PTPRE: variants seen among roughly 807,000 people sequenced by gnomAD.
PTPRE encodes the protein receptor-type tyrosine-protein phosphatase epsilon.
A neutral mutation model predicts 102.0 loss-of-function variants in PTPRE; 51 were observed. The ratio of observed to expected loss-of-function variants is 0.50; its 90% CI spans 0.40 to 0.63. PTPRE has a LOEUF of 0.63. Ranked by LOEUF, PTPRE falls within the 30% of genes least tolerant of loss-of-function variation. The pLI is 0.00. For missense variants in PTPRE, 752 were observed against 915.1 expected, an observed-to-expected ratio of 0.82 and a Z score of 2.30; for synonymous variants, 345 against 348.2, an observed-to-expected ratio of 0.99 and a Z score of 0.10.
In PTPRE at chr10:128,047,501, C is replaced by G; in HGVS notation, c.209+12C>G. 1 of 1,613,188 alleles carries G rather than the reference C, an allele frequency of 6.2e-7. No individual in the cohort carries two copies. The highest frequency in any genetic ancestry group is 1.1e-5 in the South Asian group (1 of 91,060). ...GCCTACTTCTTCAGGTAGGAGTGTC[C>G]CGGGGCACTGACTTGCCCCAACCAG... On this transcript the variant is annotated intron_variant, in intron 4 of 20. Coordinates refer to ENST00000254667, the MANE Select transcript of PTPRE (RefSeq NM_006504.6).
chr10:127,923,571 T>G (rs538192354), intron 1 of PTPRE, among the ~76,000 whole-genome samples: 1 of 152,110 alleles, frequency 6.6e-6, no homozygotes, highest in South Asian at 2.1e-4. Context: ...GCTTGGCTAA[T>G]TTTTGTATTT....
At chr10:127,974,517 G>C (rs779421197) in intron 1 of PTPRE, among the ~76,000 whole-genome samples, 1 of 152,112 alleles carries the variant, frequency 6.6e-6, no homozygotes, top group Non-Finnish European at 1.5e-5. Flanking sequence ...GGCTTGCCAC[G>C]ACCTAGCACT....
At chr10:128,047,571 TGCAGCAGAGGGCAGCTGA>T (rs1453459834) in intron 4 of PTPRE, 82 bp downstream of exon 4, 53 of 1,611,834 alleles carry the variant, frequency 3.3e-5, no homozygotes, top group Non-Finnish European at 4.5e-5. Context: ...GCGTGGGCTG[TGCAGCAGAGGGCAGCTGA>T]GAGGCTGGGT....
intron 1 of PTPRE, among the ~76,000 whole-genome samples, chr10:127,919,805 CT>C (rs1364191257): frequency 6.6e-6 from 1 of 152,128 alleles, no homozygotes; most frequent in Non-Finnish European, 1.5e-5. Flanking sequence ...GTGCAGCATG[CT>C]TTTGTTTACA....
intron 1 of PTPRE, among the ~76,000 whole-genome samples, chr10:127,910,575 C>T (rs775434247): frequency 7.4e-4 from 113 of 152,312 alleles, no homozygotes; most frequent in Non-Finnish European, 1.4e-3. Context: ...TTCAGTCAGT[C>T]AAGTTCTGAC....
At position 128,066,212 on chromosome 10, in the gene PTPRE, C is replaced by A. The variant is rs757005124; in HGVS notation, c.843+18C>A. ...TACAGCCAGTAAGCATCTCTAGTTG[C>A]TGCCCTTCCAGAAAGATCATTTTCA... On this transcript the variant is annotated intron_variant, in intron 11 of 20. Transcript: ENST00000254667. 9 of 1,610,938 alleles carry A rather than the reference C, an allele frequency of 5.6e-6. No homozygotes were observed. In the South Asian group the frequency reaches 9.9e-5, roughly 18 times the overall value.
intron 2 of PTPRE, among the ~76,000 whole-genome samples, chr10:128,016,472 G>A (rs1261982204): frequency 1.4e-5 from 2 of 148,000 alleles, no homozygotes; most frequent in South Asian, 2.1e-4. Context: ...GTGCCACTAT[G>A]CCTGGCCAAT....
chr10:128,068,095 C>T (rs761036251), intron 11 of PTPRE, 28 bp from the exon 12 acceptor site: 6 of 1,597,112 alleles, frequency 3.8e-6, no homozygotes, highest in South Asian at 1.1e-5. Flanking sequence ...TTGTTTCACC[C>T]ACTCTTGTCT....
At chr10:128,035,280 T>TAC (rs1264548722) in intron 2 of PTPRE, among the ~76,000 whole-genome samples, 41 of 138,096 alleles carry the variant, frequency 3.0e-4, no homozygotes, top group African/African-American at 8.1e-4. Context: ...TATGTATATA[T>TAC]ATACACACAC....
At chr10:128,002,209 G>A (rs1038656653) in intron 2 of PTPRE, among the ~76,000 whole-genome samples, 10 of 152,196 alleles carry the variant, frequency 6.6e-5, no homozygotes, top group Admixed American at 6.5e-5. Context: ...GCATGAGTAT[G>A]TGCATATTCA....
intron 3 of PTPRE, among the ~76,000 whole-genome samples, chr10:128,044,277 G>A (rs1185493505): frequency 1.3e-5 from 2 of 152,180 alleles, no homozygotes; most frequent in Non-Finnish European, 1.5e-5. Flanking sequence ...GACTTGCTCC[G>A]CCTCTAGGGC....
In PTPRE at chr10:128,047,749, T is replaced by A. The variant is rs773302498; in HGVS notation, c.210-15T>A. On this transcript the variant is annotated splice_polypyrimidine_tract_variant and intron_variant, in intron 4 of 20. Coordinates refer to ENST00000254667, the MANE Select transcript of PTPRE (RefSeq NM_006504.6). Reference sequence around the variant, plus strand: ...CCTAGAAGTGTGGAAACCTAACGCATCCTGTGTCTCTAAGGTTCAGGAAGC... The same window carrying A: ...CCTAGAAGTGTGGAAACCTAACGCAACCTGTGTCTCTAAGGTTCAGGAAGC... 4 of 1,611,792 alleles carry A rather than the reference T, an allele frequency of 2.5e-6. No homozygotes were observed. The highest frequency in any genetic ancestry group is 3.3e-5 in the Admixed American group (2 of 59,956).
At position 127,937,540 on chromosome 10, in the gene PTPRE, A is replaced by T. The variant is rs190289982; in HGVS notation, c.-31+30231A>T. The stretch of plus-strand genomic sequence containing the variant: ...AATATCTCGGTAGAGAAAAGGGGGA[A>T]TTTTTTTGCTTATACTTTTTAAAAT... On this transcript the variant is annotated intron_variant, in intron 1 of 20. Coordinates refer to ENST00000254667, the MANE Select transcript of PTPRE (RefSeq NM_006504.6). Among the ~76,000 whole-genome samples, 790 of 152,204 alleles carry T rather than the reference A, an allele frequency of 5.2e-3. 8 individuals are homozygous for T. The highest frequency in any genetic ancestry group is 0.012 in the Admixed American group (176 of 15,296).
chr10:128,029,421 C>T (rs543507723), intron 2 of PTPRE, among the ~76,000 whole-genome samples: 1 of 152,158 alleles, frequency 6.6e-6, no homozygotes, highest in Non-Finnish European at 1.5e-5. Context: ...GTCGCCAGCC[C>T]ATGGGGCGTC....
intron 1 of PTPRE, among the ~76,000 whole-genome samples, chr10:127,908,142 A>G (rs1845619938): frequency 6.6e-6 from 1 of 152,162 alleles, no homozygotes; most frequent in South Asian, 2.1e-4. Context: ...GAATTATGAT[A>G]TTGGTTTGTC....
intron 2 of PTPRE, chr10:127,987,468 A>G (rs1852191663): frequency 1.4e-6 from 1 of 700,192 alleles, no homozygotes; most frequent in Non-Finnish European, 2.0e-6. Flanking sequence ...TATAATTTCT[A>G]AAGTACCTAA....
At chr10:127,962,574 C>T (rs1849909635) in intron 1 of PTPRE, among the ~76,000 whole-genome samples, 1 of 152,120 alleles carries the variant, frequency 6.6e-6, no homozygotes, top group Admixed American at 6.5e-5. Flanking sequence ...GGTCAGGCCT[C>T]CCGCTCAGTT....
At chr10:127,915,996 A>G (rs200399022) in intron 1 of PTPRE, among the ~76,000 whole-genome samples, 15 of 130,050 alleles carry the variant, frequency 1.2e-4, no homozygotes, top group African/African-American at 2.8e-4. Context: ...AGTTACAGGG[A>G]AAAAAAAAAA....
intron 1 of PTPRE, among the ~76,000 whole-genome samples, chr10:127,913,314 C>G (rs1391397899): frequency 6.6e-6 from 1 of 152,208 alleles, no homozygotes; most frequent in Admixed American, 6.5e-5. Flanking sequence ...AATTCCTATT[C>G]AATAAATGCA....
Sources: allele counts gnomAD v4.1 joint callset (sites outside exome capture counted in the v4.1 genomes callset), GRCh38; gene constraint gnomAD v4.1.1; transcripts MANE v1.5; gene names NCBI Gene and HGNC (gene_info 2026-07-23, HGNC 2026-07-21).